Variants in PCDH15 observed in about 807,000 individuals in gnomAD.
The protein encoded by PCDH15 is protocadherin-15.
Under a neutral mutation model 178.5 loss-of-function variants are expected in PCDH15, and 129 were observed. That is an observed-to-expected ratio of 0.72 (90% CI 0.63 to 0.84). The LOEUF (loss-of-function observed/expected upper bound fraction) is 0.84, where lower values mean the gene tolerates loss of function less well. PCDH15 is among the 40% of genes least tolerant of loss of function. The probability of loss-of-function intolerance (pLI) is 0.00; values close to 1 mark genes in which losing one functional copy is unlikely to be tolerated. For synonymous variants in PCDH15, 800 were observed against 732.0 expected, an observed-to-expected ratio of 1.09 and a Z score of -1.50; for missense variants, 2,230 against 2,099.9, an observed-to-expected ratio of 1.06 and a Z score of -1.21.
chr10:54,840,744 T>C lies in PCDH15; in HGVS notation c.-29+56706A>G, dbSNP rs928959065. On this transcript the variant is annotated intron_variant, in intron 3 of 5. Transcript: ENST00000458638. Reference sequence around the variant, plus strand: ...AAAATGGAAGGAATATAAAGGATAGTCTATAAAATAGTAACCAAGAGAGAG... The same window carrying C: ...AAAATGGAAGGAATATAAAGGATAGCCTATAAAATAGTAACCAAGAGAGAG... Among the ~76,000 whole-genome samples the C allele has an allele frequency of 5.9e-5, 9 of 151,844 alleles. No individual in the cohort carries two copies. The East Asian group carries it at 1.7e-3, about 29-fold the overall frequency.
At chr10:54,712,949 T>C (rs1193668731) in intron 1 of PCDH15, among the ~76,000 whole-genome samples, 1 of 152,052 alleles carries the variant, frequency 6.6e-6, no homozygotes, top group Admixed American at 6.6e-5. Flanking sequence ...GTAAGAGATG[T>C]ATGATAGAAA....
chr10:55,569,696 T>C (rs1564458917), intron 2 of PCDH15, among the ~76,000 whole-genome samples: 1 of 151,988 alleles, frequency 6.6e-6, no homozygotes, highest in Admixed American at 6.6e-5. Context: ...AAAGTGGTCT[T>C]CGTTTTCTCC....
intron 2 of PCDH15, among the ~76,000 whole-genome samples, chr10:55,332,597 C>T (rs1308705299): frequency 6.6e-6 from 1 of 151,954 alleles, no homozygotes; most frequent in African/African-American, 2.4e-5. Context: ...TGGCTGTGTC[C>T]CCACCCAAAT....
chr10:54,126,358 T>C (rs2041991193), intron 15 of PCDH15, among the ~76,000 whole-genome samples: 1 of 151,974 alleles, frequency 6.6e-6, no homozygotes, highest in Admixed American at 6.6e-5. Flanking sequence ...TTCAAACTCT[T>C]TGCAATTTAC....
chr10:55,578,466 G>A (rs1217023979), intron 2 of PCDH15, among the ~76,000 whole-genome samples: 3 of 152,174 alleles, frequency 2.0e-5, no homozygotes, highest in East Asian at 3.9e-4. Flanking sequence ...CGATGCGCCC[G>A]CCTCCGCCTT....
chr10:54,861,276 G>T (rs916178898), intron 3 of PCDH15, among the ~76,000 whole-genome samples: 1 of 152,038 alleles, frequency 6.6e-6, no homozygotes, highest in African/African-American at 2.4e-5. Flanking sequence ...AATCAGAAAT[G>T]ATAAAAGTAA....
At chr10:54,449,756 T>C (rs1446186345) in intron 3 of PCDH15, among the ~76,000 whole-genome samples, 1 of 151,716 alleles carries the variant, frequency 6.6e-6, no homozygotes, top group African/African-American at 2.4e-5. Flanking sequence ...TATGAGAGAA[T>C]ATAAGTAGGT....
chr10:54,505,673 C>T lies in PCDH15; in HGVS notation c.157+22139G>A, dbSNP rs191343009. On this transcript the variant is annotated intron_variant, in intron 3 of 37. Transcript: ENST00000644397. ...GGGTCGGGGGCTAGGGAAGGGATACCGTTAGGAGAAATACCTAATGTAGAT... is the reference window on the plus strand; with the variant it reads ...GGGTCGGGGGCTAGGGAAGGGATACTGTTAGGAGAAATACCTAATGTAGAT... 1.1e-3 allele frequency among the ~76,000 whole-genome samples: 170 copies of T among 152,002 alleles called. 1 individual carries two copies. Among genetic ancestry groups the T allele is most frequent in the African/African-American group, 3.9e-3 (163 of 41,432 alleles).
intron 18 of PCDH15, among the ~76,000 whole-genome samples, chr10:54,062,227 C>CAAAAAAAAAAAAAAAAAAAAAA (rs72361686): frequency 1.9e-4 from 10 of 53,820 alleles, no homozygotes; most frequent in African/African-American, 2.9e-4. Context: ...GATTCTGTCT[C>CAAAAAAAAAAAAAAAAAAAAAA]AAAAAAAAAA....
At chr10:54,178,973 T>C (rs1021296701) in intron 13 of PCDH15, among the ~76,000 whole-genome samples, 6 of 152,068 alleles carry the variant, frequency 3.9e-5, no homozygotes, top group Non-Finnish European at 5.9e-5. Context: ...GTTGGTGGGA[T>C]TGTAAACTAG....
chr10:53,833,801 T>G (rs1430047184), intron 29 of PCDH15, among the ~76,000 whole-genome samples: 3 of 152,052 alleles, frequency 2.0e-5, no homozygotes. Context: ...TTTTGATCTC[T>G]TTTATTATTT....
chr10:54,853,318 T>TATATATATATATAC (rs1194965974), intron 3 of PCDH15, among the ~76,000 whole-genome samples: 61 of 102,002 alleles, frequency 6.0e-4, no homozygotes, highest in Admixed American at 8.9e-4. Flanking sequence ...TATATATATA[T>TATATATATATATAC]ACATACACAC....
intron 1 of PCDH15, among the ~76,000 whole-genome samples, chr10:54,707,117 A>G (rs78188595): frequency 0.019 from 2,922 of 152,258 alleles, 86 homozygotes; most frequent in African/African-American, 0.065. Flanking sequence ...TATAGGTAAT[A>G]AATGAAACTG....
chr10:54,026,726 A>C (rs989482660), intron 18 of PCDH15, among the ~76,000 whole-genome samples: 2 of 152,216 alleles, frequency 1.3e-5, no homozygotes, highest in Admixed American at 6.5e-5. Context: ...AAAGCGTTTG[A>C]CAAAATTCAA....
At chr10:55,478,354 T>C (rs1033715897) in intron 2 of PCDH15, among the ~76,000 whole-genome samples, 1 of 151,662 alleles carries the variant, frequency 6.6e-6, no homozygotes, top group Admixed American at 6.6e-5. Context: ...CCATCCAACA[T>C]CTGCAGGATA....
At chr10:54,009,995 G>A (rs1018669849) in intron 20 of PCDH15, among the ~76,000 whole-genome samples, 6 of 152,172 alleles carry the variant, frequency 3.9e-5, no homozygotes, top group Admixed American at 6.5e-5. Context: ...AAATCCACGA[G>A]GCTGAGCAGT....
intron 2 of PCDH15, among the ~76,000 whole-genome samples, chr10:55,548,276 GTTATT>G (rs1466567208): frequency 1.3e-5 from 2 of 150,286 alleles, no homozygotes; most frequent in Non-Finnish European, 3.0e-5. Flanking sequence ...AATGAACAGT[GTTATT>G]TTATGTCATA....
intron 3 of PCDH15, among the ~76,000 whole-genome samples, chr10:54,429,956 A>T (rs977613106): frequency 1.3e-5 from 2 of 152,056 alleles, no homozygotes; most frequent in Non-Finnish European, 2.9e-5. Context: ...AAGAGACATT[A>T]GACATAATCT....
At chr10:53,879,123 T>G (rs1170533540) in intron 26 of PCDH15, among the ~76,000 whole-genome samples, 1 of 152,120 alleles carries the variant, frequency 6.6e-6, no homozygotes, top group Non-Finnish European at 1.5e-5. Context: ...AATCACTTTT[T>G]GTACACTTAA....
Sources: allele counts gnomAD v4.1 joint callset (sites outside exome capture counted in the v4.1 genomes callset), GRCh38; gene constraint gnomAD v4.1.1; transcripts MANE v1.5; gene names NCBI Gene and HGNC (gene_info 2026-07-23, HGNC 2026-07-21).